PCDH15: variants seen among roughly 807,000 people sequenced by gnomAD.
PCDH15 encodes protocadherin related 15, also known as protocadherin-15.
A neutral mutation model predicts 178.5 loss-of-function variants in PCDH15; 129 were observed. The ratio of observed to expected loss-of-function variants is 0.72; its 90% CI spans 0.63 to 0.84. The LOEUF is 0.84. Among genes scored for constraint, PCDH15 ranks in the 40% least tolerant of loss-of-function variants. The pLI is 0.00. For missense variants in PCDH15, 2,230 were observed against 2,099.9 expected (o/e 1.06, Z -1.21); for synonymous variants, 800 against 732.0 (o/e 1.09, Z -1.50).
intron 3 of PCDH15, among the ~76,000 whole-genome samples, chr10:54,521,248 G>A (rs1215670168): frequency 6.6e-6 from 1 of 151,908 alleles, no homozygotes; most frequent in Non-Finnish European, 1.5e-5. Flanking sequence ...ATCACTTACT[G>A]TTTTTAAGTC....
chr10:55,474,993 C>T (rs994738817), intron 2 of PCDH15, among the ~76,000 whole-genome samples: 2 of 152,056 alleles, frequency 1.3e-5, no homozygotes, highest in Non-Finnish European at 2.9e-5. Flanking sequence ...GGGGTAATTA[C>T]TGGCCATCTA....
chr10:55,124,207 T>C (rs989868939), intron 2 of PCDH15, among the ~76,000 whole-genome samples: 2 of 152,184 alleles, frequency 1.3e-5, no homozygotes, highest in African/African-American at 4.8e-5. Context: ...AAATAGATGC[T>C]TTATATTCTG....
chr10:54,582,691 T>C (rs900433683), intron 2 of PCDH15, among the ~76,000 whole-genome samples: 15 of 152,074 alleles, frequency 9.9e-5, no homozygotes, highest in African/African-American at 2.6e-4. Flanking sequence ...GGCTGGAGGA[T>C]TGCTTGAGGC....
At chr10:54,868,249 T>G (rs1319997664) in intron 3 of PCDH15, among the ~76,000 whole-genome samples, 1 of 152,210 alleles carries the variant, frequency 6.6e-6, no homozygotes, top group Non-Finnish European at 1.5e-5. Context: ...ATTATAGATG[T>G]AGATTATTCT....
intron 3 of PCDH15, among the ~76,000 whole-genome samples, chr10:54,467,181 T>C (rs1322564966): frequency 6.6e-6 from 1 of 151,948 alleles, no homozygotes; most frequent in Non-Finnish European, 1.5e-5. Context: ...GGCTAGGCCT[T>C]TGAGTACTAT....
At chr10:54,937,038 T>C (rs561980481) in intron 2 of PCDH15, among the ~76,000 whole-genome samples, 2 of 152,096 alleles carry the variant, frequency 1.3e-5, no homozygotes, top group South Asian at 4.1e-4. Flanking sequence ...TAAGGAACAG[T>C]TCCAACTTAA....
intron 2 of PCDH15, among the ~76,000 whole-genome samples, chr10:54,910,074 G>A (rs950151739): frequency 2.0e-5 from 3 of 152,158 alleles, no homozygotes; most frequent in African/African-American, 7.2e-5. Flanking sequence ...GCCCATCTGT[G>A]CGAGGGTGGA....
chr10:55,386,377 T>G (rs566252167), intron 2 of PCDH15, among the ~76,000 whole-genome samples: 5 of 152,092 alleles, frequency 3.3e-5, no homozygotes, highest in African/African-American at 1.2e-4. Flanking sequence ...GAGGAGTTAT[T>G]AAAAATTAAT....
chr10:55,246,578 CT>C (rs529395953), intron 1 of PCDH15, among the ~76,000 whole-genome samples: 14 of 152,054 alleles, frequency 9.2e-5, no homozygotes, highest in Non-Finnish European at 1.6e-4. Flanking sequence ...ATTTAGGAAA[CT>C]TTTGTTTCTA....
intron 2 of PCDH15, among the ~76,000 whole-genome samples, chr10:54,560,545 A>G (rs1048389582): frequency 2.0e-4 from 31 of 152,086 alleles, no homozygotes; most frequent in African/African-American, 6.8e-4. Context: ...TGGAATTTGT[A>G]TATAAAAAAT....
At chr10:54,073,161 A>G (rs572530140) in intron 17 of PCDH15, among the ~76,000 whole-genome samples, 200 of 151,794 alleles carry the variant, frequency 1.3e-3, no homozygotes, top group African/African-American at 4.6e-3. Context: ...ATTTTATGCA[A>G]TCGTGCATGT....
At chr10:54,027,097 G>A (rs1169820220) in intron 18 of PCDH15, among the ~76,000 whole-genome samples, 1 of 145,952 alleles carries the variant, frequency 6.9e-6, no homozygotes, top group Non-Finnish European at 1.5e-5. Context: ...CAAAGTCTCA[G>A]GATACAAAAT....
intron 7 of PCDH15, among the ~76,000 whole-genome samples, chr10:54,326,442 G>T (rs1440794266): frequency 1.3e-5 from 2 of 151,962 alleles, no homozygotes; most frequent in Non-Finnish European, 2.9e-5. Context: ...TTTAATTACT[G>T]ATTTTTAAAC....
At chr10:55,196,707 G>C (rs1350090926) in intron 1 of PCDH15, among the ~76,000 whole-genome samples, 1 of 152,000 alleles carries the variant, frequency 6.6e-6, no homozygotes, top group Non-Finnish European at 1.5e-5. Flanking sequence ...CTCTAAGCCA[G>C]ATACATTTAG....
intron 22 of PCDH15, among the ~76,000 whole-genome samples, chr10:53,960,991 T>G (rs1444280131): frequency 6.6e-6 from 1 of 152,196 alleles, no homozygotes; most frequent in Non-Finnish European, 1.5e-5. Context: ...CATTATTTTG[T>G]CAAATATATT....
intron 24 of PCDH15, among the ~76,000 whole-genome samples, chr10:53,939,894 T>G (rs1390412823): frequency 6.6e-6 from 1 of 152,168 alleles, no homozygotes; most frequent in Non-Finnish European, 1.5e-5. Context: ...ATCATAGCTT[T>G]AGTCAGATGT....
chr10:54,150,039 A>T lies in PCDH15; in HGVS notation c.1784+3061T>A, dbSNP rs946836775. On this transcript the variant is annotated intron_variant, in intron 14 of 37. Transcript: ENST00000644397. Reference sequence around the variant, plus strand: ...CTTATTGGATATAAAGTCACCAATAAGTTTGACAGGAGTACTGTTGAAATG... The same window carrying T: ...CTTATTGGATATAAAGTCACCAATATGTTTGACAGGAGTACTGTTGAAATG... Among the ~76,000 whole-genome samples the T allele has an allele frequency of 2.0e-5, 3 of 152,130 alleles. No homozygotes were observed. In the South Asian group the frequency reaches 6.2e-4, roughly 31 times the overall value.
chr10:55,299,069 C>G (rs193119035), intron 1 of PCDH15, among the ~76,000 whole-genome samples: 1 of 152,304 alleles, frequency 6.6e-6, no homozygotes, highest in East Asian at 1.9e-4. Flanking sequence ...TATTACTTCA[C>G]TGTATATCTG....
chr10:54,327,524 A>T (rs558172296), intron 7 of PCDH15, among the ~76,000 whole-genome samples: 1 of 151,434 alleles, frequency 6.6e-6, no homozygotes, highest in South Asian at 2.1e-4. Context: ...AGCTTCAAAA[A>T]TTAGATCTAT....
Sources: gnomAD v4.1 joint callset for allele counts (sites outside exome capture counted in the v4.1 genomes callset) on GRCh38, gnomAD v4.1.1 for gene constraint, MANE v1.5 for transcripts, NCBI Gene and HGNC (gene_info 2026-07-23, HGNC 2026-07-21) for gene names.